ARID4B: variants seen among roughly 807,000 people sequenced by gnomAD.
ARID4B encodes the protein AT-rich interaction domain 4B.
ARID4B carries 26 observed loss-of-function variants against 147.5 expected under a neutral mutation model. That is an observed-to-expected ratio of 0.18 (90% CI 0.13 to 0.24). ARID4B has a LOEUF of 0.24. Ranked by LOEUF, ARID4B falls within the 10% of genes least tolerant of loss-of-function variation. ARID4B has a pLI of 1.00. For synonymous variants in ARID4B, 512 were observed against 507.9 expected (o/e 1.01, Z -0.11); for missense variants, 1,179 against 1,511.5 (o/e 0.78, Z 3.65).
intron 13 of ARID4B, among the ~76,000 whole-genome samples, chr1:235,222,832 G>C (rs959956797): frequency 6.6e-6 from 1 of 151,810 alleles, no homozygotes; most frequent in Non-Finnish European, 1.5e-5. Context: ...ACAAGCGTGC[G>C]TCACCACGTC....
chr1:235,183,441 C>G (rs1037710078), intron 19 of ARID4B, among the ~76,000 whole-genome samples: 1 of 152,202 alleles, frequency 6.6e-6, no homozygotes, highest in African/African-American at 2.4e-5. Flanking sequence ...ATCTCCTGAC[C>G]TCGTGACCCG....
In ARID4B at chr1:235,285,357, A is replaced by G. The variant is rs539855909; in HGVS notation, c.7-24605T>C. On this transcript the variant is annotated intron_variant, in intron 2 of 23. Coordinates refer to ENST00000264183, the MANE Select transcript of ARID4B (RefSeq NM_016374.6). The stretch of plus-strand genomic sequence containing the variant: ...TAATTAACGTATCAACAAACTTTAA[A>G]AACAGATTACCTCAATATATCCAGA... Among the ~76,000 whole-genome samples, 13 of 152,348 alleles carry G rather than the reference A, an allele frequency of 8.5e-5. No individual in the cohort carries two copies. In the South Asian group the frequency reaches 2.5e-3, roughly 29 times the overall value.
rs532457460 is a variant in ARID4B, at chr1:235,202,372, C to G, written c.1842-6257G>C. Reference sequence around the variant, plus strand: ...AACAAGTATCTTATTGAATATTTATCTAAAGTACTAAGGAAAATATTTCCA... The same window carrying G: ...AACAAGTATCTTATTGAATATTTATGTAAAGTACTAAGGAAAATATTTCCA... On this transcript the variant is annotated intron_variant, in intron 17 of 23. Transcript: ENST00000264183. Among the ~76,000 whole-genome samples the G allele has an allele frequency of 2.0e-5, 3 of 151,682 alleles. No homozygotes were observed. In the South Asian group the frequency reaches 6.3e-4, roughly 32 times the overall value.
At chr1:235,227,023 A>T (rs1174004351) in intron 11 of ARID4B, among the ~76,000 whole-genome samples, 1 of 152,096 alleles carries the variant, frequency 6.6e-6, no homozygotes, top group Non-Finnish European at 1.5e-5. Context: ...GAGGTGAGGG[A>T]GGTGATGGTT....
chr1:235,184,715 G>A (rs1410010927), intron 19 of ARID4B, among the ~76,000 whole-genome samples: 1 of 152,042 alleles, frequency 6.6e-6, no homozygotes, highest in Non-Finnish European at 1.5e-5. Flanking sequence ...GACTCATAAT[G>A]AAAAACCAAA....
At chr1:235,201,010 C>T (rs1184902549) in intron 17 of ARID4B, among the ~76,000 whole-genome samples, 1 of 151,834 alleles carries the variant, frequency 6.6e-6, no homozygotes, top group African/African-American at 2.4e-5. Context: ...CTGGCTGTGG[C>T]GGCGGGCACC....
Position 235,231,163 on chromosome 1 carries a change from T to C in ARID4B, c.692A>G (p.His231Arg). 6.9e-6 allele frequency: 11 copies of C among 1,589,676 alleles called. No individual in the cohort carries two copies. Among genetic ancestry groups the C allele is most frequent in the Non-Finnish European group, 8.5e-6 (10 of 1,169,972 alleles). ...KFTSVPRKDVHEITSDTAPKP... is the reference protein window; with the variant it reads ...KFTSVPRKDVREITSDTAPKP... ...TGGTGCAGTGTCACTAGTAATTTCA[T>C]GGACATCTTTTCTTGGAACTGAAGT... Residue 231 changes from histidine (H) to arginine (R), a missense_variant, in exon 10 of 24, where the codon CAT becomes CGT. His to Arg is a conservative substitution (Grantham distance 29). This residue lies in a region of ARID4B where 159 missense variants were observed against 190.5 expected (regional missense o/e 0.83). Coordinates refer to ENST00000264183, the MANE Select transcript of ARID4B (RefSeq NM_016374.6).
chr1:235,255,263 A>ATCTATCTATCTATCTATCTATCTATC (rs746915541), intron 5 of ARID4B, among the ~76,000 whole-genome samples: 1 of 90,742 alleles, frequency 1.1e-5, no homozygotes, highest in Non-Finnish European at 2.4e-5. Context: ...AGATAGATAG[A>ATCTATCTATCTATCTATCTATCTATC]TATATATCTC....
intron 11 of ARID4B, 141 bp from the exon 12 acceptor site, chr1:235,224,916 A>G: frequency 1.6e-6 from 1 of 618,734 alleles, no homozygotes; most frequent in Non-Finnish European, 2.8e-6. Context: ...CTCTTTTAAC[A>G]CTAAGCTGTT....
At chr1:235,295,313 C>T (rs531322874) in intron 2 of ARID4B, among the ~76,000 whole-genome samples, 27 of 151,262 alleles carry the variant, frequency 1.8e-4, no homozygotes, top group South Asian at 6.3e-4. Flanking sequence ...AGTTCGAGAC[C>T]GGCCTGGCCA....
chr1:235,312,848 C>CCATCTCTACTAAAATACAAAAAA (rs1674160540), intron 2 of ARID4B, among the ~76,000 whole-genome samples: 2 of 152,098 alleles, frequency 1.3e-5, no homozygotes, highest in African/African-American at 2.4e-5. Flanking sequence ...TGGCGCATGC[C>CCATCTCTACTAAAATACAAAAAA]TGTAGTCCTA....
intron 17 of ARID4B, among the ~76,000 whole-genome samples, chr1:235,212,187 G>A (rs886821371): frequency 5.3e-5 from 8 of 152,192 alleles, no homozygotes; most frequent in African/African-American, 1.9e-4. Flanking sequence ...GGAAGTTGCA[G>A]TGAGTAGAGA....
intron 11 of ARID4B, among the ~76,000 whole-genome samples, chr1:235,227,209 C>A (rs1243139616): frequency 6.6e-6 from 1 of 151,984 alleles, no homozygotes; most frequent in Non-Finnish European, 1.5e-5. Flanking sequence ...GCATAAAGTT[C>A]AAGGGGGAGG....
At chr1:235,212,914 C>G (rs908689466) in intron 17 of ARID4B, among the ~76,000 whole-genome samples, 16 of 152,216 alleles carry the variant, frequency 1.1e-4, no homozygotes, top group African/African-American at 3.9e-4. Context: ...ACACTAGGTA[C>G]ACCATGAAAC....
chr1:235,295,784 T>G (rs1437562768), intron 2 of ARID4B: 1 of 151,344 alleles, frequency 6.6e-6, no homozygotes, highest in African/African-American at 2.5e-5. Flanking sequence ...CACTCCAGCC[T>G]GGACAACAGA....
At position 235,323,040 on chromosome 1, in the gene ARID4B, C is replaced by CT. The variant is rs779535005; in HGVS notation, c.6+3873dup. 6.7e-3 allele frequency among the ~76,000 whole-genome samples: 936 copies of CT among 139,214 alleles called. 1 individual carries two copies. Among genetic ancestry groups the CT allele is most frequent in the Non-Finnish European group, 7.3e-3 (465 of 63,566 alleles). The allele number at this position is 139,214 out of a possible 152,430, so 91.3% of individuals were successfully genotyped here. A position where few individuals can be genotyped will look rare whatever the true frequency, so the allele number is the denominator to read the frequency against. ...CTACGTGGATTCTAAATATAACCACCTTTTTTTTTTTTTTTTTCCTGAAAT... is the reference window on the plus strand; with the variant it reads ...CTACGTGGATTCTAAATATAACCACCTTTTTTTTTTTTTTTTTTCCTGAAAT... On this transcript the variant is annotated intron_variant, in intron 2 of 23. Transcript: ENST00000264183.
At chr1:235,186,546 G>C (rs1288434668) in intron 19 of ARID4B, among the ~76,000 whole-genome samples, 1 of 151,756 alleles carries the variant, frequency 6.6e-6, no homozygotes, top group African/African-American at 2.4e-5. Flanking sequence ...CAATAGCTGG[G>C]ACTACAGGCA....
At chr1:235,253,888 C>T (rs898202673) in intron 5 of ARID4B, among the ~76,000 whole-genome samples, 2 of 152,052 alleles carry the variant, frequency 1.3e-5, no homozygotes, top group Admixed American at 6.6e-5. Flanking sequence ...TTCTGATGCT[C>T]AACAGGATCT....
Position 235,182,270 on chromosome 1 carries a change from C to T in ARID4B, c.2649G>A (p.Glu883=). Residue 883 remains glutamate (E), a synonymous_variant, in exon 20 of 24, where the codon GAG becomes GAA. Coordinates refer to ENST00000264183, the MANE Select transcript of ARID4B (RefSeq NM_016374.6). Reference sequence around the variant, plus strand: ...TTGTCCGTAGAGATTTTCTTTTTTCCTCCAAACCATTGTATTTCTTAGTTG... The same window carrying T: ...TTGTCCGTAGAGATTTTCTTTTTTCTTCCAAACCATTGTATTTCTTAGTTG... ...MTPTKKYNGL[E]EKRKSLRTTG... The T allele has an allele frequency of 6.2e-7, 1 of 1,613,070 alleles. No homozygotes were observed.
Sources: allele counts gnomAD v4.1 joint callset (sites outside exome capture counted in the v4.1 genomes callset), GRCh38; gene constraint gnomAD v4.1.1; regional missense constraint gnomAD v4.1.1; transcripts MANE v1.5; gene names NCBI Gene and HGNC (gene_info 2026-07-23, HGNC 2026-07-21).